Variants in LRRC74A observed in about 807,000 individuals in gnomAD.
The protein encoded by LRRC74A is leucine rich repeat containing 74A.
In LRRC74A, 44 loss-of-function variants were observed where a neutral mutation model predicts 57.9. The ratio of observed to expected loss-of-function variants is 0.76; its 90% confidence interval spans 0.60 to 0.98. The LOEUF is 0.98. Ranked by LOEUF, LRRC74A falls within the 50% of genes least tolerant of loss-of-function variation. The probability of loss-of-function intolerance (pLI) is 0.00; values close to 1 mark genes in which losing one functional copy is unlikely to be tolerated. For synonymous variants in LRRC74A, 211 were observed against 219.4 expected (o/e 0.96, Z 0.34); for missense variants, 572 against 574.0 (o/e 1.00, Z 0.04).
At chr14:76,836,517 T>C (rs1237625319) in intron 4 of LRRC74A, among the ~76,000 whole-genome samples, 3 of 152,178 alleles carry the variant, frequency 2.0e-5, no homozygotes, top group African/African-American at 7.2e-5. Flanking sequence ...AAACAATTTA[T>C]GGCTGGGCGC....
chr14:76,827,940 T>A (rs1895692409), intron 1 of LRRC74A, among the ~76,000 whole-genome samples: 1 of 152,106 alleles, frequency 6.6e-6, no homozygotes, highest in Non-Finnish European at 1.5e-5. Context: ...CCCTTTCACC[T>A]GAAAGAGTAA....
At position 76,870,109 on chromosome 14, in the gene LRRC74A, T is replaced by C. The variant is rs868585709; in HGVS notation, c.1392-16T>C. Reference sequence around the variant, plus strand: ...TGTACGGGTGCTCAGCATCTTTCCCTTACCTTTCGTACCAGTTTCTTGAAC... The same window carrying C: ...TGTACGGGTGCTCAGCATCTTTCCCCTACCTTTCGTACCAGTTTCTTGAAC... On this transcript the variant is annotated splice_polypyrimidine_tract_variant and intron_variant, in intron 13 of 13. Coordinates refer to ENST00000689127, the MANE Select transcript of LRRC74A (RefSeq NM_001385106.1). The C allele has an allele frequency of 2.5e-6, 4 of 1,610,418 alleles. No individual in the cohort carries two copies. The highest frequency in any genetic ancestry group is 3.3e-4 in the Middle Eastern group (2 of 6,058).
chr14:76,852,207 T>C (rs1032710210), intron 7 of LRRC74A, among the ~76,000 whole-genome samples, 158 bp from the exon 8 acceptor site: 1 of 152,224 alleles, frequency 6.6e-6, no homozygotes, highest in Non-Finnish European at 1.5e-5. Context: ...TCTTACAATT[T>C]TGTGTTTAAA....
intron 2 of LRRC74A, chr14:76,828,691 G>A (rs984886931): frequency 8.8e-6 from 5 of 567,370 alleles, no homozygotes; most frequent in African/African-American, 7.4e-5. Context: ...CACAAACAAG[G>A]TTTTCTAATC....
chr14:76,826,819 C>T, intron 1 of LRRC74A, 85 bp downstream of exon 1: 1 of 891,016 alleles, frequency 1.1e-6, no homozygotes. Context: ...CCCTGAAGCC[C>T]ACTTCTTTCC....
Position 76,852,524 on chromosome 14 carries a change from G to A in LRRC74A, c.762+74G>A, listed in dbSNP as rs1897574573. The A allele has an allele frequency of 4.3e-6, 5 of 1,162,134 alleles. No individual in the cohort carries two copies. In the South Asian group the frequency reaches 7.2e-5, roughly 17 times the overall value. The allele number at this position is 1,162,134 out of a possible 1,614,324, so 72.0% of individuals were successfully genotyped here. The stretch of plus-strand genomic sequence containing the variant: ...AGGGCCTCCCATCCTGCCATCCTAA[G>A]CCTCTTCCTCATGGTCACCATCAAT... On this transcript the variant is annotated intron_variant, in intron 8 of 13. Coordinates refer to ENST00000689127, the MANE Select transcript of LRRC74A (RefSeq NM_001385106.1).
chr14:76,845,234 G>A (rs12897540), intron 7 of LRRC74A, among the ~76,000 whole-genome samples: 9,354 of 152,154 alleles, frequency 0.061, 326 homozygotes, highest in Non-Finnish European at 0.073. Context: ...TGAGGTGGGA[G>A]GATTCCTTGA....
Position 76,844,462 on chromosome 14 carries a change from A to G in LRRC74A, c.584A>G (p.Gln195Arg). Residue 195 changes from glutamine (Q) to arginine (R), a missense_variant, in exon 6 of 14, where the codon CAA becomes CGA. Transcript: ENST00000689127. ...FKEDSAALLC[Q>R]ALSTNYQIKK... is the part of the protein sequence containing the mutation. ...GAAGACTCCGCAGCACTGCTCTGCC[A>G]AGCCCTGTCGGTAAGAGGCAGGGAG... 2 of 1,612,260 alleles carry G rather than the reference A, an allele frequency of 1.2e-6. No homozygotes were observed. Among genetic ancestry groups the G allele is most frequent in the South Asian group, 1.1e-5 (1 of 90,556 alleles).
chr14:76,860,868 C>T, intron 11 of LRRC74A, 29 bp downstream of exon 11: 1 of 1,551,904 alleles, frequency 6.4e-7, no homozygotes, highest in African/African-American at 1.4e-5. Flanking sequence ...CTCAGGGCCT[C>T]CAGGGAGCCC....
At chr14:76,864,419 G>GTT (rs1898591105) in intron 11 of LRRC74A, among the ~76,000 whole-genome samples, 1 of 124,498 alleles carries the variant, frequency 8.0e-6, no homozygotes, top group Non-Finnish European at 1.7e-5. Flanking sequence ...AAGGGGGGGG[G>GTT]GGGGTGGCGG....
At chr14:76,849,978 G>A (rs1291270595) in intron 7 of LRRC74A, among the ~76,000 whole-genome samples, 2 of 152,156 alleles carry the variant, frequency 1.3e-5, no homozygotes, top group Admixed American at 6.5e-5. Context: ...GGAGGCCGAG[G>A]CGGGCGGATC....
At chr14:76,854,445 T>C (rs1897740332) in intron 9 of LRRC74A, among the ~76,000 whole-genome samples, 1 of 152,130 alleles carries the variant, frequency 6.6e-6, no homozygotes, top group Non-Finnish European at 1.5e-5. Context: ...TTGTCTCTAC[T>C]AAAAATACAA....
At chr14:76,844,997 T>A (rs1002833578) in intron 7 of LRRC74A, 96 bp downstream of exon 7, 13 of 708,434 alleles carry the variant, frequency 1.8e-5, no homozygotes, top group Non-Finnish European at 1.2e-5. Flanking sequence ...TTTTTAAATG[T>A]TGTGATTATA....
chr14:76,859,662 C>CTTT (rs1025552496), intron 10 of LRRC74A, among the ~76,000 whole-genome samples: 65 of 80,866 alleles, frequency 8.0e-4, no homozygotes, highest in African/African-American at 1.5e-3. Context: ...CTGAATTAGC[C>CTTT]TTTTTTTTTT....
chr14:76,828,557 C>T, intron 2 of LRRC74A, 138 bp downstream of exon 2: 2 of 1,364,748 alleles, frequency 1.5e-6, no homozygotes, highest in Admixed American at 1.8e-5. Flanking sequence ...GGCAGAAAGG[C>T]CTGCTCGATT....
chr14:76,837,883 C>T lies in LRRC74A; in HGVS notation c.456C>T (p.Ser152=). ...GTTTTCTTGCCTTTTAGAATATTTC[C>T]AACAATCACCTTGGTTTGGAGGGGG... The part of the protein sequence containing the change: ...ENYYLQEMNI[S]NNHLGLEGAR... The change falls in exon 5 of 14, where the codon TCC becomes TCT. Residue 152 remains serine, a synonymous_variant. Coordinates refer to ENST00000689127, the MANE Select transcript of LRRC74A (RefSeq NM_001385106.1). 6.3e-7 allele frequency: 1 copy of T among 1,583,642 alleles called. No homozygotes were observed. The highest frequency in any genetic ancestry group is 8.6e-7 in the Non-Finnish European group (1 of 1,162,484).
intron 5 of LRRC74A, among the ~76,000 whole-genome samples, chr14:76,843,619 C>G (rs1215107700): frequency 1.3e-5 from 2 of 152,168 alleles, no homozygotes; most frequent in African/African-American, 4.8e-5. Context: ...AGAGGGTAAA[C>G]AGTTGCCTTG....
intron 3 of LRRC74A, among the ~76,000 whole-genome samples, chr14:76,833,517 C>T (rs1896114009): frequency 1.4e-5 from 2 of 142,832 alleles, no homozygotes; most frequent in South Asian, 4.5e-4. Flanking sequence ...TCTGAGCTCA[C>T]TGCAACTTCT....
intron 10 of LRRC74A, 116 bp from the exon 11 acceptor site, chr14:76,860,577 C>A: frequency 9.5e-7 from 1 of 1,050,154 alleles, no homozygotes; most frequent in Non-Finnish European, 1.3e-6. Context: ...TGAGAACAAA[C>A]TGGAAGAGAC....
Sources: allele counts gnomAD v4.1 joint callset (sites outside exome capture counted in the v4.1 genomes callset), GRCh38; gene constraint gnomAD v4.1.1; transcripts MANE v1.5; gene names NCBI Gene and HGNC (gene_info 2026-07-23, HGNC 2026-07-21).